UBR1: variants seen among roughly 807,000 people sequenced by gnomAD.
The protein encoded by UBR1 is E3 ubiquitin-protein ligase UBR1.
UBR1 carries 102 observed loss-of-function variants against 242.1 expected under a neutral mutation model. The ratio of observed to expected loss-of-function variants is 0.42; its 90% CI spans 0.36 to 0.50. The LOEUF (loss-of-function observed/expected upper bound fraction) is 0.50, where lower values mean the gene tolerates loss of function less well. UBR1 is among the 20% of genes least tolerant of loss of function. The probability of loss-of-function intolerance (pLI) is 0.01; values close to 1 mark genes in which losing one functional copy is unlikely to be tolerated. For missense variants in UBR1, 1,772 were observed against 2,101.8 expected, an observed-to-expected ratio of 0.84 and a Z score of 3.07; for synonymous variants, 675 against 684.8, an observed-to-expected ratio of 0.99 and a Z score of 0.22.
chr15:43,028,701 C>T (rs1039241743), intron 21 of UBR1, among the ~76,000 whole-genome samples: 6 of 149,298 alleles, frequency 4.0e-5, no homozygotes, highest in African/African-American at 1.5e-4. Context: ...GCCAAGATGG[C>T]ACCACTGCAC....
At chr15:43,000,912 C>A (rs1372608492) in intron 32 of UBR1, among the ~76,000 whole-genome samples, 1 of 152,174 alleles carries the variant, frequency 6.6e-6, no homozygotes, top group East Asian at 1.9e-4. Context: ...CGGCTCACTG[C>A]AACCTCCACC....
At chr15:43,003,012 G>A (rs1382034428) in intron 31 of UBR1, among the ~76,000 whole-genome samples, 1 of 152,158 alleles carries the variant, frequency 6.6e-6, no homozygotes, top group East Asian at 1.9e-4. Context: ...AGTTTCTAAT[G>A]ATGAACTGAA....
chr15:43,026,558 T>C lies in UBR1; in HGVS notation c.2535+3A>G. 4 of 1,611,772 alleles carry C rather than the reference T, an allele frequency of 2.5e-6. No individual in the cohort carries two copies. Among genetic ancestry groups the C allele is most frequent in the South Asian group, 1.1e-5 (1 of 91,014 alleles). ...ATTTACTGAAAAGGATACTTTTTTC[T>C]ACCTTGCTATGCTGGGTTTTGGAGT... On this transcript the variant is annotated splice_donor_region_variant and intron_variant, in intron 23 of 46. Coordinates refer to ENST00000290650, the MANE Select transcript of UBR1 (RefSeq NM_174916.3).
chr15:43,064,813 G>A (rs533579470), intron 6 of UBR1, among the ~76,000 whole-genome samples: 21 of 151,872 alleles, frequency 1.4e-4, no homozygotes, highest in East Asian at 7.7e-4. Context: ...CAGGTGATCC[G>A]CCCGCCTCAG....
At chr15:43,082,789 A>T (rs554967023) in intron 2 of UBR1, 73 bp from the exon 3 acceptor site, 1 of 1,111,812 alleles carries the variant, frequency 9.0e-7, no homozygotes. Flanking sequence ...ACTATAATAC[A>T]ATGTGAACAA....
At chr15:43,058,516 T>C (rs2033644978) in intron 9 of UBR1, 87 bp from the exon 10 acceptor site, 2 of 820,906 alleles carry the variant, frequency 2.4e-6, no homozygotes, top group Non-Finnish European at 4.1e-6. Flanking sequence ...AGTGGCAGAA[T>C]ATTATAAAAT....
intron 29 of UBR1, among the ~76,000 whole-genome samples, chr15:43,008,313 C>T (rs2032864990): frequency 6.6e-6 from 1 of 152,278 alleles, no homozygotes; most frequent in South Asian, 2.1e-4. Context: ...CTGAGCCTCT[C>T]CGCACTCCCA....
Position 43,060,071 on chromosome 15 carries a change from T to C in UBR1, c.842A>G (p.Glu281Gly), listed in dbSNP as rs755319945. ...VKAGAYAACQ[E>G]AKEDIKSHSE... is the part of the protein sequence containing the mutation. ...AGTTACCTTTATATCTTCCTTTGCT[T>C]CCTGGCAAGCAGCATAAGCTCCCGC... The change falls in exon 7 of 47, where the codon GAA becomes GGA. Residue 281 changes from glutamate to glycine, a missense_variant. By Grantham distance (98) the Glu-to-Gly change is moderately conservative (BLOSUM62 -2). Around this residue, in one of 3 missense-constraint regions of UBR1, gnomAD observed 734 missense variants for 893.3 expected, o/e 0.82. Transcript: ENST00000290650. 4 of 1,614,134 alleles carry C rather than the reference T, an allele frequency of 2.5e-6. No homozygotes were observed. The East Asian group carries it at 8.9e-5, about 36-fold the overall frequency.
rs1459055373 is a variant in UBR1 at position 42,958,061 on chromosome 15, T to G, written c.4787A>C (p.Glu1596Ala). ...RYPRKRNSLI[E>A]LPDDYSCLLN... ...GAGGCAGCTATAGTCATCAGGAAGC[T>G]CTATCAAACTATTTCTTTTTCTAGG... The change falls in exon 44 of 47, where the codon GAG becomes GCG. Residue 1596 changes from glutamate to alanine, a missense_variant. Physicochemically the swap from Glu to Ala is moderately radical, Grantham distance 107 (BLOSUM62 -1). Coordinates refer to ENST00000290650, the MANE Select transcript of UBR1 (RefSeq NM_174916.3). 1.2e-6 allele frequency: 2 copies of G among 1,613,712 alleles called. No individual in the cohort carries two copies. The highest frequency in any genetic ancestry group is 3.3e-5 in the Admixed American group (2 of 60,024).
At chr15:43,026,424 T>A in intron 23 of UBR1, 137 bp downstream of exon 23, 1 of 680,130 alleles carries the variant, frequency 1.5e-6, no homozygotes, top group Non-Finnish European at 2.5e-6. Flanking sequence ...ATTGATTCAA[T>A]TTTAATTCTT....
intron 15 of UBR1, among the ~76,000 whole-genome samples, chr15:43,039,362 G>C (rs2033386438): frequency 6.6e-6 from 1 of 152,148 alleles, no homozygotes; most frequent in Non-Finnish European, 1.5e-5. Context: ...GTTGAGCAAT[G>C]GTTTGTATTT....
chr15:42,945,425 G>C lies in UBR1; in HGVS notation c.5154C>G (p.Leu1718=), dbSNP rs766406260. 6.2e-7 allele frequency: 1 copy of C among 1,614,080 alleles called. No homozygotes were observed. Among genetic ancestry groups the C allele is most frequent in the South Asian group, 1.1e-5 (1 of 91,076 alleles). ...TGCAGTGTTGTTGCCAGACCAAATG[G>C]AGCTTCCGATACCGCTCACGAGATA... The part of the protein sequence containing the change: ...LHLSRERYRK[L]HLVWQQHCII... The change falls in exon 47 of 47, where the codon CTC becomes CTG. Residue 1718 remains leucine, a synonymous_variant. Coordinates refer to ENST00000290650, the MANE Select transcript of UBR1 (RefSeq NM_174916.3).
intron 46 of UBR1, among the ~76,000 whole-genome samples, chr15:42,946,101 A>C (rs560087386): frequency 6.6e-6 from 1 of 152,230 alleles, no homozygotes; most frequent in East Asian, 1.9e-4. Flanking sequence ...CAAGTCTCTC[A>C]GCTGGTTGGG....
intron 46 of UBR1, among the ~76,000 whole-genome samples, chr15:42,947,656 C>A (rs561909025): frequency 6.6e-6 from 1 of 152,018 alleles, no homozygotes; most frequent in African/African-American, 2.4e-5. Context: ...AAACAGAGAG[C>A]CAAATCATGA....
intron 44 of UBR1, among the ~76,000 whole-genome samples, chr15:42,953,052 T>C (rs2031861027): frequency 6.6e-6 from 1 of 151,960 alleles, no homozygotes; most frequent in Non-Finnish European, 1.5e-5. Flanking sequence ...GCCTCCCGAG[T>C]AGCTGGGACT....
intron 35 of UBR1, among the ~76,000 whole-genome samples, chr15:42,987,210 G>C (rs1292879436): frequency 6.6e-6 from 1 of 152,206 alleles, no homozygotes; most frequent in African/African-American, 2.4e-5. Flanking sequence ...GCCGGGATGG[G>C]CCCTCTCTAT....
chr15:43,070,248 T>TAAAAAAAAAAAAAA (rs746635905), intron 5 of UBR1, among the ~76,000 whole-genome samples: 1 of 25,234 alleles, frequency 4.0e-5, no homozygotes, highest in Non-Finnish European at 8.5e-5. Flanking sequence ...GAGTTCTAGC[T>TAAAAAAAAAAAAAA]AAAAAAAAAA....
chr15:42,960,749 A>G (rs770080227), intron 42 of UBR1, 48 bp from the exon 43 acceptor site: 1 of 1,577,066 alleles, frequency 6.3e-7, no homozygotes, highest in East Asian at 2.3e-5. Context: ...CACAGCTTCA[A>G]TGCATGATTT....
Position 42,984,008 on chromosome 15 carries a change from AGAAG to A in UBR1, c.4054-19_4054-16del. Reference sequence around the variant, plus strand: ...AGACCATTATGCTAGATTGTAAGAGAGAAGGAAGATAAAAAGATGAGGGAAGATG... The same window carrying A: ...AGACCATTATGCTAGATTGTAAGAGAGAAGATAAAAAGATGAGGGAAGATG... On this transcript the variant is annotated splice_polypyrimidine_tract_variant and intron_variant, in intron 36 of 46. Coordinates refer to ENST00000290650, the MANE Select transcript of UBR1 (RefSeq NM_174916.3). 6.2e-7 allele frequency: 1 copy of A among 1,604,600 alleles called. No individual in the cohort carries two copies. The highest frequency in any genetic ancestry group is 8.5e-7 in the Non-Finnish European group (1 of 1,172,354).
Sources: allele counts gnomAD v4.1 joint callset (sites outside exome capture counted in the v4.1 genomes callset), GRCh38; gene constraint gnomAD v4.1.1; regional missense constraint gnomAD v4.1.1; transcripts MANE v1.5; gene names NCBI Gene and HGNC (gene_info 2026-07-23, HGNC 2026-07-21).